MED12L: variants seen among roughly 807,000 people sequenced by gnomAD.
MED12L encodes the protein mediator of RNA polymerase II transcription subunit 12-like protein.
In MED12L, 60 loss-of-function variants were observed where a neutral mutation model predicts 281.3. That is an observed-to-expected ratio of 0.21 (90% CI 0.17 to 0.26). MED12L has a LOEUF of 0.26. Among genes scored for constraint, MED12L ranks in the 10% least tolerant of loss-of-function variants. The pLI, the probability that MED12L is intolerant of heterozygous loss-of-function variation, is 1.00. For synonymous variants in MED12L, 974 were observed against 987.2 expected, an observed-to-expected ratio of 0.99 and a Z score of 0.25; for missense variants, 2,146 against 2,680.9, an observed-to-expected ratio of 0.80 and a Z score of 4.41.
At chr3:151,277,487 T>C (rs1742089702) in intron 16 of MED12L, among the ~76,000 whole-genome samples, 1 of 152,180 alleles carries the variant, frequency 6.6e-6, no homozygotes, top group African/African-American at 2.4e-5. Context: ...AACTATTTAT[T>C]TTTTTACTAG....
chr3:151,185,392 G>C lies in MED12L; in HGVS notation c.1557G>C (p.Arg519=). 6.2e-7 allele frequency: 1 copy of C among 1,613,966 alleles called. No individual in the cohort carries two copies. Among genetic ancestry groups the C allele is most frequent in the African/African-American group, 1.3e-5 (1 of 74,972 alleles). The stretch of plus-strand genomic sequence containing the variant: ...GTGAATGGGCCGTGAGCTGCAAACG[G>C]TCTGGCAAGCACAGGGCCATGGCTG... The part of the protein sequence containing the change: ...LLCEWAVSCK[R]SGKHRAMAVA... The change falls in exon 12 of 45, where the codon CGG becomes CGC. Residue 519 remains arginine (R), a synonymous_variant. Coordinates refer to ENST00000687756, the MANE Select transcript of MED12L (RefSeq NM_001393769.1).
At position 151,430,387 on chromosome 3, in the gene MED12L, A is replaced by G; in HGVS notation, c.6490+7A>G. ...CTCCAGAAGCAGCTTTCCAGTAAGT[A>G]CCCCTGTGTGTCATGGAACAGACAG... On this transcript the variant is annotated splice_region_variant and intron_variant, in intron 44 of 44. Transcript: ENST00000687756. The G allele has an allele frequency of 6.2e-7, 1 of 1,613,948 alleles. No homozygotes were observed. The highest frequency in any genetic ancestry group is 8.5e-7 in the Non-Finnish European group (1 of 1,179,918).
intron 16 of MED12L, chr3:151,294,444 A>T: frequency 6.2e-7 from 1 of 1,614,242 alleles, no homozygotes; most frequent in Middle Eastern, 1.6e-4. Context: ...CACAAGTGAT[A>T]TGGTAGAAAG....
intron 16 of MED12L, among the ~76,000 whole-genome samples, chr3:151,239,518 A>G (rs1733644864): frequency 6.6e-6 from 1 of 152,236 alleles, no homozygotes; most frequent in South Asian, 2.1e-4. Context: ...ATGTAGAATA[A>G]CATGACTTGT....
chr3:151,200,331 C>T (rs193102104), intron 16 of MED12L, among the ~76,000 whole-genome samples: 1 of 152,310 alleles, frequency 6.6e-6, no homozygotes, highest in Admixed American at 6.5e-5. Flanking sequence ...CATTAGTAAT[C>T]TTTCTGGTGC....
intron 16 of MED12L, chr3:151,338,319 G>A: frequency 6.2e-7 from 1 of 1,614,090 alleles, no homozygotes. Context: ...TTTAAGGAAA[G>A]AGCATTTCTT....
intron 5 of MED12L, among the ~76,000 whole-genome samples, chr3:151,149,844 T>A (rs544635593): frequency 6.6e-6 from 1 of 152,212 alleles, no homozygotes; most frequent in Non-Finnish European, 1.5e-5. Context: ...CCACTTTGTT[T>A]GCTCATTTAT....
chr3:151,355,752 T>C, intron 18 of MED12L, 144 bp from the exon 19 acceptor site: 2 of 617,082 alleles, frequency 3.2e-6, no homozygotes, highest in Non-Finnish European at 5.2e-6. Flanking sequence ...CATAGTTTTA[T>C]AGTTTCTATA....
intron 16 of MED12L, among the ~76,000 whole-genome samples, chr3:151,290,130 A>G (rs1158846772): frequency 1.3e-5 from 2 of 152,020 alleles, no homozygotes; most frequent in African/African-American, 4.8e-5. Flanking sequence ...TGACCTTGTG[A>G]TCACCTTGGC....
intron 11 of MED12L, 84 bp from the exon 12 acceptor site, chr3:151,185,246 A>G (rs924009169): frequency 1.9e-5 from 26 of 1,364,386 alleles, no homozygotes; most frequent in Non-Finnish European, 2.6e-5. Context: ...TTAAAGTGTT[A>G]GATATTCCCT....
intron 16 of MED12L, among the ~76,000 whole-genome samples, chr3:151,345,517 C>CTTTTTTTTTTTTTTT (rs201731496): frequency 2.3e-5 from 3 of 131,642 alleles, no homozygotes; most frequent in Non-Finnish European, 3.3e-5. Flanking sequence ...TTTTCTTTTT[C>CTTTTTTTTTTTTTTT]TTTTTTTTTT....
At chr3:151,330,505 A>G (rs182974003) in intron 16 of MED12L, among the ~76,000 whole-genome samples, 10 of 152,268 alleles carry the variant, frequency 6.6e-5, no homozygotes, top group Admixed American at 2.0e-4. Flanking sequence ...GCAGAAATCT[A>G]CTTGCCAGGT....
At chr3:151,129,337 G>A (rs1715007765) in intron 5 of MED12L, among the ~76,000 whole-genome samples, 1 of 152,076 alleles carries the variant, frequency 6.6e-6, no homozygotes. Flanking sequence ...TCCTATACGT[G>A]TTAAAAGAAA....
intron 16 of MED12L, among the ~76,000 whole-genome samples, chr3:151,242,284 G>GGCCT (rs1268238579): frequency 1.3e-5 from 2 of 152,244 alleles, no homozygotes; most frequent in Non-Finnish European, 2.9e-5. Context: ...AGCTCAAGGA[G>GGCCT]GCCTGCCTGC....
At chr3:151,214,353 G>C (rs1463227195) in intron 16 of MED12L, 1 of 1,570,700 alleles carries the variant, frequency 6.4e-7, no homozygotes, top group Non-Finnish European at 8.7e-7. Flanking sequence ...GAAAAGAGGT[G>C]TGAACTGGTC....
chr3:151,262,524 C>G (rs1203886255), intron 16 of MED12L, among the ~76,000 whole-genome samples: 1 of 152,126 alleles, frequency 6.6e-6, no homozygotes, highest in Non-Finnish European at 1.5e-5. Flanking sequence ...TTTGGAGGTC[C>G]CTGTGCCAGC....
intron 16 of MED12L, among the ~76,000 whole-genome samples, chr3:151,320,681 G>C (rs1297969305): frequency 6.6e-6 from 1 of 152,206 alleles, no homozygotes. Flanking sequence ...GGGATGGTTT[G>C]GAGATTGAGT....
At chr3:151,267,840 A>G (rs531712801) in intron 16 of MED12L, among the ~76,000 whole-genome samples, 3 of 152,228 alleles carry the variant, frequency 2.0e-5, no homozygotes, top group Non-Finnish European at 4.4e-5. Context: ...TTTTGGCTGA[A>G]TAATATCAAG....
chr3:151,186,899 T>G (rs758368221), intron 12 of MED12L, among the ~76,000 whole-genome samples: 42 of 152,230 alleles, frequency 2.8e-4, no homozygotes, highest in Non-Finnish European at 5.3e-4. Flanking sequence ...CACAGAATAG[T>G]GCTCACTGCA....
Sources: allele counts gnomAD v4.1 joint callset (sites outside exome capture counted in the v4.1 genomes callset), GRCh38; gene constraint gnomAD v4.1.1; transcripts MANE v1.5; gene names NCBI Gene and HGNC (gene_info 2026-07-23, HGNC 2026-07-21).